Variants in SAMD5 observed in about 807,000 individuals in gnomAD.
SAMD5 encodes sterile alpha motif domain-containing protein 5.
A neutral mutation model predicts 11.3 loss-of-function variants in SAMD5; 13 were observed. That is an observed-to-expected ratio of 1.15 (90% CI 0.75 to 1.83). The LOEUF (loss-of-function observed/expected upper bound fraction) is 1.83, where lower values mean the gene tolerates loss of function less well. SAMD5 is among the 40% of genes most tolerant of loss of function. The pLI, the probability that SAMD5 is intolerant of heterozygous loss-of-function variation, is 0.00. For missense variants in SAMD5, 255 were observed against 239.1 expected (o/e 1.07, Z -0.44); for synonymous variants, 129 against 111.3 (o/e 1.16, Z -1.00).
rs1338734909 is a variant in SAMD5, at chr6:147,568,128, G to A, written c.*3672G>A. The A allele has an allele frequency of 1.0e-6, 1 of 985,232 alleles. No individual in the cohort carries two copies. Among genetic ancestry groups the A allele is most frequent in the Non-Finnish European group, 1.2e-6 (1 of 829,924 alleles). The allele number at this position is 985,232 out of a possible 1,614,324, so 61.0% of individuals were successfully genotyped here. On this transcript the variant is annotated 3_prime_UTR_variant, in exon 2 of 2. Transcript: ENST00000367474. ...GATTTTATGACTGATTTACAAATTA[G>A]GAGTGCAAATGGGCTGTTCCCCGAT...
chr6:147,913,476 A>G, the SAMD5 span, among the ~76,000 whole-genome samples: 2 of 152,174 alleles, frequency 1.3e-5, no homozygotes, highest in Non-Finnish European at 2.9e-5. Context: ...TGGGTGGATC[A>G]CCTGAGGTCA....
In SAMD5 at chr6:147,508,874, C is replaced by T; in HGVS notation, c.-55C>T. The T allele has an allele frequency of 1.3e-6, 2 of 1,575,380 alleles. No homozygotes were observed. The highest frequency in any genetic ancestry group is 1.7e-6 in the Non-Finnish European group (2 of 1,162,870). The stretch of plus-strand genomic sequence containing the variant: ...TTAAAAGTTCCAAGAACTGGTGCCG[C>T]CCGTGCCATTTGGGCGCTGGGAAGG... On this transcript the variant is annotated 5_prime_UTR_variant, in exon 1 of 2. Coordinates refer to ENST00000367474, the MANE Select transcript of SAMD5 (RefSeq NM_001030060.3).
At chr6:147,710,628 G>A (rs1358873973) in intron 1 of SAMD5, among the ~76,000 whole-genome samples, 1 of 152,194 alleles carries the variant, frequency 6.6e-6, no homozygotes, top group Non-Finnish European at 1.5e-5. Flanking sequence ...GCCCCAAAGT[G>A]CAGGAGTAAT....
intron 1 of SAMD5, among the ~76,000 whole-genome samples, chr6:147,624,152 G>A (rs1171835913): frequency 6.6e-6 from 1 of 152,234 alleles, no homozygotes; most frequent in East Asian, 1.9e-4. Flanking sequence ...TTACAGGCGA[G>A]CCACTGCGCC....
the SAMD5 span, among the ~76,000 whole-genome samples, chr6:147,754,107 G>A: frequency 6.6e-6 from 1 of 152,080 alleles, no homozygotes. Flanking sequence ...CAGTATTCAG[G>A]TTTCTGAGGA....
At chr6:147,941,706 G>A in the SAMD5 span, among the ~76,000 whole-genome samples, 18 of 152,126 alleles carry the variant, frequency 1.2e-4, no homozygotes, top group African/African-American at 4.3e-4. Flanking sequence ...TTGTATTACA[G>A]AGCAACTCAA....
intron 1 of SAMD5, among the ~76,000 whole-genome samples, chr6:147,577,680 G>A (rs1430132916): frequency 6.6e-6 from 1 of 152,040 alleles, no homozygotes; most frequent in Non-Finnish European, 1.5e-5. Context: ...GAAGGCATGA[G>A]GAGAGAGTTG....
At chr6:147,854,149 A>G in the SAMD5 span, among the ~76,000 whole-genome samples, 1 of 152,158 alleles carries the variant, frequency 6.6e-6, no homozygotes, top group South Asian at 2.1e-4. Flanking sequence ...GATAGGTGAC[A>G]TTTGAGAGAG....
chr6:147,540,910 T>C (rs953940277), intron 1 of SAMD5, among the ~76,000 whole-genome samples: 1 of 147,664 alleles, frequency 6.8e-6, no homozygotes, highest in African/African-American at 2.5e-5. Flanking sequence ...CACCGCACCA[T>C]AGCTGTGGGG....
At chr6:147,510,733 CTG>C (rs1407902790) in intron 1 of SAMD5, among the ~76,000 whole-genome samples, 7 of 152,170 alleles carry the variant, frequency 4.6e-5, no homozygotes, top group Admixed American at 6.5e-5. Flanking sequence ...TTCAGATCAC[CTG>C]CTTGACCATG....
At chr6:147,755,460 T>C in the SAMD5 span, among the ~76,000 whole-genome samples, 3 of 152,250 alleles carry the variant, frequency 2.0e-5, no homozygotes, top group Non-Finnish European at 4.4e-5. Flanking sequence ...ATGGTACTCA[T>C]ATTGATGTGT....
chr6:147,566,871 T>C lies in SAMD5; in HGVS notation c.*2415T>C, dbSNP rs1789050146. 1 of 975,014 alleles carries C rather than the reference T, an allele frequency of 1.0e-6. No homozygotes were observed. The highest frequency in any genetic ancestry group is 1.8e-5 in the African/African-American group (1 of 56,918). The allele number at this position is 975,014 out of a possible 1,614,324, so 60.4% of individuals were successfully genotyped here. On this transcript the variant is annotated 3_prime_UTR_variant, in exon 2 of 2. Coordinates refer to ENST00000367474, the MANE Select transcript of SAMD5 (RefSeq NM_001030060.3). Reference sequence around the variant, plus strand: ...AGAAAGGGATTATTTTTACCATGAATTGTATCTGGGGACAGTTAGTCTTAG... The same window carrying C: ...AGAAAGGGATTATTTTTACCATGAACTGTATCTGGGGACAGTTAGTCTTAG...
intron 1 of SAMD5, among the ~76,000 whole-genome samples, chr6:147,524,422 G>GT (rs71270324): frequency 0.047 from 6,647 of 142,600 alleles, 319 homozygotes; most frequent in East Asian, 0.18. Context: ...TGTTTTTGTT[G>GT]TTTTTTTTTT....
chr6:147,885,566 G>A, the SAMD5 span, among the ~76,000 whole-genome samples: 152,242 of 152,264 alleles, frequency 1, 76,110 homozygotes, highest in Middle Eastern at 1. Flanking sequence ...TGTACCATGA[G>A]GAAATAAGAC....
At chr6:147,788,165 C>A in the SAMD5 span, among the ~76,000 whole-genome samples, 370 of 152,236 alleles carry the variant, frequency 2.4e-3, 1 homozygote, top group African/African-American at 8.5e-3. Context: ...GTTTACAATT[C>A]TAAATCTTTT....
chr6:147,941,529 A>G, the SAMD5 span, among the ~76,000 whole-genome samples: 2 of 151,734 alleles, frequency 1.3e-5, no homozygotes, highest in African/African-American at 4.8e-5. Flanking sequence ...CACTGTAATA[A>G]CTCACACTGA....
At chr6:147,808,988 C>T in the SAMD5 span, among the ~76,000 whole-genome samples, 14 of 151,948 alleles carry the variant, frequency 9.2e-5, no homozygotes, top group African/African-American at 2.7e-4. Flanking sequence ...CAGACAGAAG[C>T]GAAGTTTATG....
the SAMD5 span, among the ~76,000 whole-genome samples, chr6:147,944,035 T>C: frequency 3.6e-3 from 543 of 152,270 alleles, 3 homozygotes; most frequent in African/African-American, 0.012. Context: ...AGGAAGCTAC[T>C]TCTGGAGAAG....
chr6:147,657,906 T>G (rs1790593937), intron 1 of SAMD5, among the ~76,000 whole-genome samples: 1 of 152,210 alleles, frequency 6.6e-6, no homozygotes, highest in African/African-American at 2.4e-5. Context: ...GATGCAAAGA[T>G]TCAGTCTGTA....
Sources: gnomAD v4.1 joint callset for allele counts (sites outside exome capture counted in the v4.1 genomes callset) on GRCh38, gnomAD v4.1.1 for gene constraint, MANE v1.5 for transcripts, NCBI Gene and HGNC (gene_info 2026-07-23, HGNC 2026-07-21) for gene names.